DUXA: variants seen among roughly 807,000 people sequenced by gnomAD.
DUXA encodes double homeobox A, also known as double homeobox protein A.
A neutral mutation model predicts 27.5 loss-of-function variants in DUXA; 25 were observed. The observed-to-expected ratio is 0.91, with a 90% CI of 0.66 to 1.27. The LOEUF (loss-of-function observed/expected upper bound fraction) is 1.27, where lower values mean the gene tolerates loss of function less well. Among genes scored for constraint, DUXA ranks in the 50% most tolerant of loss-of-function variants. The pLI is 0.00. For missense variants in DUXA, 247 were observed against 242.9 expected (o/e 1.02, Z -0.11); for synonymous variants, 90 against 80.5 (o/e 1.12, Z -0.63).
chr19:57,165,494 A>T (rs1428442197), intron 1 of DUXA, among the ~76,000 whole-genome samples: 1 of 151,802 alleles, frequency 6.6e-6, no homozygotes, highest in Non-Finnish European at 1.5e-5. Flanking sequence ...GTGTTAAAAA[A>T]TTATTAACGC....
At chr19:57,165,849 C>CAA (rs958337501) in intron 1 of DUXA, among the ~76,000 whole-genome samples, 2 of 142,452 alleles carry the variant, frequency 1.4e-5, no homozygotes, top group Admixed American at 7.1e-5. Context: ...GCACCATAAA[C>CAA]AAAACAGTTA....
intron 3 of DUXA, among the ~76,000 whole-genome samples, chr19:57,158,753 A>T (rs904504944): frequency 2.0e-5 from 3 of 152,140 alleles, no homozygotes; most frequent in Non-Finnish European, 2.9e-5. Context: ...AGAGACTGAG[A>T]GGGGGCAGAT....
chr19:57,164,480 C>T (rs952042420), intron 1 of DUXA, among the ~76,000 whole-genome samples: 2 of 152,112 alleles, frequency 1.3e-5, no homozygotes, highest in Admixed American at 6.5e-5. Context: ...GAGGCTGAGG[C>T]GAGAGAATCG....
At chr19:57,159,959 G>A (rs8103055) in intron 2 of DUXA, among the ~76,000 whole-genome samples, 14,284 of 152,008 alleles carry the variant, frequency 0.094, 1,054 homozygotes, top group East Asian at 0.38. Context: ...AACAAAATTA[G>A]CTGATCATGG....
intron 1 of DUXA, 89 bp from the exon 2 acceptor site, chr19:57,160,886 CCCAAAT>C: frequency 6.9e-7 from 1 of 1,458,416 alleles, no homozygotes. Flanking sequence ...ACTTCCTCTT[CCCAAAT>C]CCACTGGAAT....
chr19:57,155,825 T>C (rs2086990687), intron 4 of DUXA, among the ~76,000 whole-genome samples: 1 of 151,974 alleles, frequency 6.6e-6, no homozygotes, highest in Admixed American at 6.6e-5. Context: ...CCAACCACCA[T>C]ACCCGGCTAA....
rs1213681580 is a variant in DUXA, at chr19:57,154,188, A to G, written c.*224T>C. The G allele has an allele frequency of 6.2e-6, 3 of 485,928 alleles. No individual in the cohort carries two copies. The highest frequency in any genetic ancestry group is 1.1e-5 in the Non-Finnish European group (3 of 267,022). The allele number at this position is 485,928 out of a possible 1,614,324, so 30.1% of individuals were successfully genotyped here. On this transcript the variant is annotated 3_prime_UTR_variant, in exon 6 of 6. Transcript: ENST00000554048. ...TATAATAGAGGCAGAGTCTTGCTAT[A>G]TGTTGTCCAGGCTGGTTTCAAACTC...
At position 57,157,352 on chromosome 19, in the gene DUXA, G is replaced by A. The variant is rs1220871510; in HGVS notation, c.438+976C>T. Among the ~76,000 whole-genome samples, 3 of 151,608 alleles carry A rather than the reference G, an allele frequency of 2.0e-5. No individual in the cohort carries two copies. In the South Asian group the frequency reaches 6.3e-4, roughly 32 times the overall value. On this transcript the variant is annotated intron_variant, in intron 4 of 5. Transcript: ENST00000554048. ...TGGACCTCATAATTTTTTTTTTCAA[G>A]ACGGAGTCTTGCTCTGTCACCCAGG...
intron 4 of DUXA, 61 bp downstream of exon 4, chr19:57,158,267 G>T: frequency 6.3e-7 from 1 of 1,584,520 alleles, no homozygotes; most frequent in Non-Finnish European, 8.6e-7. Context: ...GGCCCATGTG[G>T]CTTCCCTTCC....
At position 57,162,425 on chromosome 19, in the gene DUXA, C is replaced by T. The variant is rs538390149; in HGVS notation, c.26-1628G>A. On this transcript the variant is annotated intron_variant, in intron 1 of 5. Coordinates refer to ENST00000554048, the MANE Select transcript of DUXA (RefSeq NM_001012729.2). ...GAAAGCATTTTGGAAGATACCATTT[C>T]GTAACAGAATTAGACTTAGTGAATT... Among the ~76,000 whole-genome samples the T allele has an allele frequency of 4.8e-4, 73 of 152,240 alleles. No homozygotes were observed. In the East Asian group the frequency reaches 6.4e-3, roughly 13 times the overall value.
At chr19:57,164,679 T>G (rs1187683759) in intron 1 of DUXA, among the ~76,000 whole-genome samples, 1 of 152,156 alleles carries the variant, frequency 6.6e-6, no homozygotes, top group Non-Finnish European at 1.5e-5. Flanking sequence ...TTCAAAATAA[T>G]AAAAATGTGA....
intron 1 of DUXA, among the ~76,000 whole-genome samples, chr19:57,162,762 G>A (rs144263196): frequency 6.6e-6 from 1 of 152,154 alleles, no homozygotes; most frequent in South Asian, 2.1e-4. Context: ...TTTTAGTAGA[G>A]ACAGGGTTTC....
At chr19:57,164,556 C>G (rs1385258964) in intron 1 of DUXA, among the ~76,000 whole-genome samples, 1 of 151,932 alleles carries the variant, frequency 6.6e-6, no homozygotes, top group Non-Finnish European at 1.5e-5. Flanking sequence ...GCCTGGGCAA[C>G]AGGAGTGAAA....
intron 1 of DUXA, among the ~76,000 whole-genome samples, chr19:57,166,529 T>G (rs1430105847): frequency 1.3e-5 from 2 of 152,160 alleles, no homozygotes; most frequent in African/African-American, 2.4e-5. Flanking sequence ...AGGCTGGTCT[T>G]GAACTCCTGA....
At chr19:57,158,253 C>T (rs1457479523) in intron 4 of DUXA, 75 bp downstream of exon 4, 2 of 1,547,274 alleles carry the variant, frequency 1.3e-6, no homozygotes, top group African/African-American at 1.4e-5. Context: ...GAGGAACTGC[C>T]TGAGGCCCAT....
intron 1 of DUXA, among the ~76,000 whole-genome samples, chr19:57,161,834 A>C (rs1347625142): frequency 6.6e-6 from 1 of 151,998 alleles, no homozygotes; most frequent in East Asian, 1.9e-4. Flanking sequence ...AACCCCTTTC[A>C]GTTTTTCAGG....
chr19:57,164,395 G>T (rs1159298637), intron 1 of DUXA, among the ~76,000 whole-genome samples: 1 of 152,070 alleles, frequency 6.6e-6, no homozygotes, highest in East Asian at 1.9e-4. Context: ...GACCAACTTG[G>T]AGAAACCCCG....
At chr19:57,159,082 G>C in intron 3 of DUXA, 85 bp downstream of exon 3, 1 of 1,182,988 alleles carries the variant, frequency 8.5e-7, no homozygotes. Flanking sequence ...AGGTCATCAG[G>C]GAGGAGACAT....
chr19:57,166,641 A>T (rs148939446), intron 1 of DUXA, among the ~76,000 whole-genome samples: 1 of 152,300 alleles, frequency 6.6e-6, no homozygotes, highest in East Asian at 1.9e-4. Flanking sequence ...ACAACATCAC[A>T]TGAGGTACAG....
Sources: gnomAD v4.1 joint callset for allele counts (sites outside exome capture counted in the v4.1 genomes callset) on GRCh38, gnomAD v4.1.1 for gene constraint, MANE v1.5 for transcripts, NCBI Gene and HGNC (gene_info 2026-07-23, HGNC 2026-07-21) for gene names.